The following THSD4 variants were observed in gnomAD, a reference collection of about 807,000 sequenced individuals.
THSD4 encodes the protein thrombospondin type 1 domain containing 4.
A neutral mutation model predicts 119.0 loss-of-function variants in THSD4; 69 were observed. That is an observed-to-expected ratio of 0.58 (90% CI 0.48 to 0.71). The LOEUF (loss-of-function observed/expected upper bound fraction) is 0.71. Among genes scored for constraint, THSD4 ranks in the 30% least tolerant of loss-of-function variants. THSD4 has a pLI of 0.00. For missense variants in THSD4, 1,393 were observed against 1,391.1 expected, an observed-to-expected ratio of 1.00 and a Z score of -0.02; for synonymous variants, 524 against 540.4, an observed-to-expected ratio of 0.97 and a Z score of 0.42.
intron 7 of THSD4, among the ~76,000 whole-genome samples, chr15:71,632,707 C>T (rs180763630): frequency 1.3e-5 from 2 of 152,314 alleles, no homozygotes; most frequent in East Asian, 3.9e-4. Context: ...ATTTTGTTTT[C>T]CCAGCAACTG....
intron 3 of THSD4, chr15:71,172,091 T>A (rs1596240654): frequency 6.6e-6 from 1 of 152,144 alleles, no homozygotes; most frequent in Non-Finnish European, 1.5e-5. Flanking sequence ...TTTGGGAGTC[T>A]GAGGTGGGTG....
intron 1 of THSD4, among the ~76,000 whole-genome samples, chr15:71,118,057 A>G (rs1380733388): frequency 2.6e-5 from 4 of 152,100 alleles, no homozygotes; most frequent in African/African-American, 7.2e-5. Context: ...GGCAGTTACC[A>G]CTGGGCTTTG....
chr15:71,737,953 G>A lies in THSD4; in HGVS notation c.1852G>A (p.Asp618Asn). Residue 618 changes from aspartate (D) to asparagine (N), a missense_variant, in exon 11 of 18, where the codon GAT becomes AAT. Asp to Asn is a conservative substitution (Grantham distance 23). Transcript: ENST00000261862. Reference protein sequence around the residue: ...PAPQPPRRSRDHNWKQLGTTE... With the variant: ...PAPQPPRRSRNHNWKQLGTTE... ...ACCGCAGCCCCCACGGCGCAGCCGGGATCACAACTGGAAGCAGCTTGGGAC... is the reference window on the plus strand; with the variant it reads ...ACCGCAGCCCCCACGGCGCAGCCGGAATCACAACTGGAAGCAGCTTGGGAC... The A allele has an allele frequency of 6.2e-7, 1 of 1,614,008 alleles. No homozygotes were observed. The highest frequency in any genetic ancestry group is 8.5e-7 in the Non-Finnish European group (1 of 1,179,908).
intron 4 of THSD4, among the ~76,000 whole-genome samples, chr15:71,232,982 T>G (rs192094617): frequency 1.8e-4 from 27 of 152,286 alleles, no homozygotes; most frequent in African/African-American, 6.0e-4. Flanking sequence ...TTGTCATCAC[T>G]GAAAAGATTG....
At chr15:71,642,057 A>C (rs2140965064) in intron 7 of THSD4, among the ~76,000 whole-genome samples, 1 of 152,342 alleles carries the variant, frequency 6.6e-6, no homozygotes, top group East Asian at 1.9e-4. Context: ...TGGACCGTAC[A>C]CAGAGAGAAG....
chr15:71,115,233 C>A, upstream of THSD4: 1 of 152,990 alleles, frequency 6.5e-6, no homozygotes, highest in South Asian at 2.1e-4. The surrounding 1 kb of genome is among the most constrained non-coding windows in gnomAD (Gnocchi z 4.4). Context: ...TCCACTCTCG[C>A]CCCCTCCCGC....
At chr15:71,627,536 A>G (rs867270120) in intron 7 of THSD4, among the ~76,000 whole-genome samples, 1 of 152,206 alleles carries the variant, frequency 6.6e-6, no homozygotes, top group Non-Finnish European at 1.5e-5. Flanking sequence ...ATGGGTATCA[A>G]ATAACCAGTT....
intron 7 of THSD4, among the ~76,000 whole-genome samples, chr15:71,474,843 C>T (rs530350620): frequency 4.0e-4 from 61 of 152,222 alleles, no homozygotes; most frequent in Non-Finnish European, 7.6e-4. Flanking sequence ...CTAGCAATCT[C>T]TCTCTTCCCT....
intron 10 of THSD4, 134 bp downstream of exon 10, chr15:71,731,351 A>G (rs1178359522): frequency 6.1e-6 from 5 of 820,934 alleles, no homozygotes; most frequent in Non-Finnish European, 9.9e-6. Context: ...TTTCAAAGCC[A>G]AGGGGCCTTG....
intron 7 of THSD4, among the ~76,000 whole-genome samples, chr15:71,566,173 G>A (rs1451194992): frequency 8.1e-6 from 1 of 123,022 alleles, no homozygotes; most frequent in African/African-American, 3.0e-5. Context: ...TTTTTTTGCT[G>A]AAATTCGGTA....
At chr15:71,220,185 A>T (rs2043964470) in intron 4 of THSD4, among the ~76,000 whole-genome samples, 1 of 152,170 alleles carries the variant, frequency 6.6e-6, no homozygotes, top group African/African-American at 2.4e-5. Flanking sequence ...CCACTCTGGG[A>T]GATGGTAGAG....
intron 6 of THSD4, among the ~76,000 whole-genome samples, chr15:71,289,389 C>T (rs993624669): frequency 4.6e-5 from 7 of 152,280 alleles, no homozygotes; most frequent in Admixed American, 6.5e-5. Flanking sequence ...TTGCACTGGA[C>T]GCCAAGCAGA....
intron 17 of THSD4, among the ~76,000 whole-genome samples, chr15:71,774,472 G>C (rs1048761275): frequency 2.6e-5 from 4 of 152,174 alleles, no homozygotes; most frequent in Non-Finnish European, 5.9e-5. Context: ...CCGCATGGGG[G>C]ATAGGTCAAG....
At chr15:71,152,400 A>G (rs1258907718) in intron 2 of THSD4, among the ~76,000 whole-genome samples, 1 of 151,344 alleles carries the variant, frequency 6.6e-6, no homozygotes, top group East Asian at 1.9e-4. Context: ...CCAGCCTGGG[A>G]GACAGAACGA....
intron 7 of THSD4, chr15:71,549,911 T>G (rs2048900924): frequency 6.6e-6 from 1 of 152,604 alleles, no homozygotes; most frequent in African/African-American, 2.4e-5. Flanking sequence ...AAGCCTTGTT[T>G]GGCGTCCTGT....
intron 10 of THSD4, chr15:71,731,737 T>TCAGAC (rs1294560173): frequency 1.2e-5 from 2 of 160,368 alleles, no homozygotes; most frequent in African/African-American, 4.8e-5. Context: ...TGAGCCGTGA[T>TCAGAC]CAGACCACTG....
At chr15:71,143,771 T>C (rs8029289) in intron 2 of THSD4, among the ~76,000 whole-genome samples, 1,727 of 139,440 alleles carry the variant, frequency 0.012, 34 homozygotes, top group African/African-American at 0.042. Flanking sequence ...AGTGGCGCAA[T>C]CATAGCTCAC....
chr15:71,511,774 T>A (rs905570674), intron 7 of THSD4, among the ~76,000 whole-genome samples: 2 of 152,208 alleles, frequency 1.3e-5, no homozygotes, highest in African/African-American at 4.8e-5. Flanking sequence ...GCACCTGGGC[T>A]CCTCCTGGCG....
intron 7 of THSD4, among the ~76,000 whole-genome samples, chr15:71,617,831 T>G (rs1157749865): frequency 6.6e-6 from 1 of 152,210 alleles, no homozygotes; most frequent in Non-Finnish European, 1.5e-5. Context: ...TGAGCTAAAT[T>G]ACTAACATTT....
Sources: allele counts gnomAD v4.1 joint callset (sites outside exome capture counted in the v4.1 genomes callset), GRCh38; gene constraint gnomAD v4.1.1; non-coding constraint Gnocchi (gnomAD v3.1); transcripts MANE v1.5; gene names NCBI Gene and HGNC (gene_info 2026-07-23, HGNC 2026-07-21).